The following DAPK1 variants were observed in gnomAD, a reference collection of about 807,000 sequenced individuals.
DAPK1 encodes death-associated protein kinase 1.
In DAPK1, 56 loss-of-function variants were observed where a neutral mutation model predicts 144.9. The observed-to-expected ratio is 0.39, with a 90% confidence interval of 0.31 to 0.48. DAPK1 has a LOEUF of 0.48. Ranked by LOEUF, DAPK1 falls within the 20% of genes least tolerant of loss-of-function variation. The pLI is 0.95. For missense variants in DAPK1, 1,454 were observed against 1,875.4 expected, an observed-to-expected ratio of 0.78 and a Z score of 4.15; for synonymous variants, 690 against 749.0, an observed-to-expected ratio of 0.92 and a Z score of 1.29.
Position 87,707,824 on chromosome 9 carries a change from T to C in DAPK1, c.*460T>C, listed in dbSNP as rs1416553896. Reference sequence around the variant, plus strand: ...TATACCATTTCCTCAGCTTATCTCTTTTATATTTGTAGGAGAAACTCCCAT... The same window carrying C: ...TATACCATTTCCTCAGCTTATCTCTCTTATATTTGTAGGAGAAACTCCCAT... On this transcript the variant is annotated 3_prime_UTR_variant, in exon 26 of 26. Transcript: ENST00000408954. This position sits in a 1 kb window ranked among gnomAD's most constrained non-coding sequence, Gnocchi z 4.0. 1 of 457,126 alleles carries C rather than the reference T, an allele frequency of 2.2e-6. No homozygotes were observed. The highest frequency in any genetic ancestry group is 2.0e-5 in the African/African-American group (1 of 50,228). The allele number at this position is 457,126 out of a possible 1,614,324, so 28.3% of individuals were successfully genotyped here. A position where few individuals can be genotyped will look rare whatever the true frequency, so the allele number is the denominator to read the frequency against.
At chr9:87,576,667 C>A (rs997671221) in intron 2 of DAPK1, among the ~76,000 whole-genome samples, 1 of 152,198 alleles carries the variant, frequency 6.6e-6, no homozygotes, top group East Asian at 1.9e-4. Flanking sequence ...AAGTGATTCT[C>A]CTGCCTCAGC....
At chr9:87,644,352 A>G (rs945053836) in intron 11 of DAPK1, among the ~76,000 whole-genome samples, 73 of 152,064 alleles carry the variant, frequency 4.8e-4, no homozygotes, top group African/African-American at 1.6e-3. Context: ...GACTCCAGAC[A>G]AGGCAGCCAC....
intron 2 of DAPK1, among the ~76,000 whole-genome samples, chr9:87,560,565 C>A (rs1481636786): frequency 6.6e-6 from 1 of 151,972 alleles, no homozygotes; most frequent in Non-Finnish European, 1.5e-5. Context: ...AGATACCTCA[C>A]ATGAGTAGAA....
chr9:87,589,102 T>C (rs547240399), intron 2 of DAPK1, among the ~76,000 whole-genome samples: 1 of 142,580 alleles, frequency 7.0e-6, no homozygotes, highest in Admixed American at 7.1e-5. Flanking sequence ...AGAGACAGGG[T>C]TTCTCCATGT....
At chr9:87,674,231 G>T (rs1050888518) in intron 19 of DAPK1, among the ~76,000 whole-genome samples, 1 of 152,080 alleles carries the variant, frequency 6.6e-6, no homozygotes, top group Admixed American at 6.5e-5. Context: ...GGGTGCGGTG[G>T]CTCACGCCTG....
At position 87,502,778 on chromosome 9, in the gene DAPK1, A is replaced by G. The variant is rs115531720; in HGVS notation, c.62+3639A>G. ...CCCAGTGACATGTTTATCCTGTTTC[A>G]TGTTTATTAGTCTTGTATTACTCTT... On this transcript the variant is annotated intron_variant, in intron 2 of 25. Transcript: ENST00000408954. Among the ~76,000 whole-genome samples, 470 of 152,084 alleles carry G rather than the reference A, an allele frequency of 3.1e-3. 2 individuals are homozygous for G. The highest frequency in any genetic ancestry group is 0.011 in the African/African-American group (459 of 41,468).
Position 87,589,696 on chromosome 9 carries a change from A to G in DAPK1, c.63-15258A>G, listed in dbSNP as rs2118875596. 2.6e-5 allele frequency among the ~76,000 whole-genome samples: 4 copies of G among 152,286 alleles called. 1 individual carries two copies. In the South Asian group the frequency reaches 8.3e-4, roughly 32 times the overall value. ...TATTCAGCCTCTTGGGAGAATTTAG[A>G]TTCCAAGTTCTGTCAGTGAGTATAT... is the stretch of plus-strand genomic sequence containing the variant. On this transcript the variant is annotated intron_variant, in intron 2 of 25. Coordinates refer to ENST00000408954, the MANE Select transcript of DAPK1 (RefSeq NM_004938.4).
intron 19 of DAPK1, among the ~76,000 whole-genome samples, chr9:87,669,764 A>AGG (rs5899010): frequency 5.7e-4 from 86 of 151,190 alleles, no homozygotes; most frequent in South Asian, 1.9e-3. Context: ...TGCCAGGGGC[A>AGG]GGGGGGGGCC....
intron 3 of DAPK1, among the ~76,000 whole-genome samples, chr9:87,629,542 T>C (rs1829596515): frequency 6.6e-6 from 1 of 152,296 alleles, no homozygotes; most frequent in South Asian, 2.1e-4. Flanking sequence ...TTTGAATATG[T>C]TTTTAAAAAT....
At chr9:87,663,270 G>A (rs1281997996) in intron 18 of DAPK1, among the ~76,000 whole-genome samples, 2 of 152,096 alleles carry the variant, frequency 1.3e-5, no homozygotes, top group Non-Finnish European at 2.9e-5. Flanking sequence ...ATAAAAGAAA[G>A]CATAGATAGA....
intron 2 of DAPK1, among the ~76,000 whole-genome samples, chr9:87,557,129 C>G (rs942291041): frequency 2.0e-5 from 3 of 152,216 alleles, no homozygotes; most frequent in Middle Eastern, 3.2e-3. Context: ...CCTCAACATC[C>G]TCGAAGCTCA....
At position 87,571,476 on chromosome 9, in the gene DAPK1, A is replaced by AACAC. The variant is rs56299528; in HGVS notation, c.63-33463_63-33460dup. ...ACACACACACACACACACACACACC[A>AACAC]ACACACACACACACACACCCCAACA... On this transcript the variant is annotated intron_variant, in intron 2 of 25. Transcript: ENST00000408954. Among the ~76,000 whole-genome samples the AACAC allele has an allele frequency of 1.7e-3, 84 of 48,556 alleles. 11 individuals are homozygous for AACAC. The highest frequency in any genetic ancestry group is 2.9e-3 in the South Asian group (3 of 1,018). The allele number at this position is 48,556 out of a possible 152,430, so 31.9% of individuals were successfully genotyped here.
At chr9:87,642,897 A>G (rs1476180059) in intron 10 of DAPK1, among the ~76,000 whole-genome samples, 1 of 152,170 alleles carries the variant, frequency 6.6e-6, no homozygotes, top group East Asian at 1.9e-4. Flanking sequence ...TCTATAGACT[A>G]AGAGGTCCCC....
chr9:87,624,711 G>A (rs1587782164), intron 3 of DAPK1, among the ~76,000 whole-genome samples: 1 of 152,364 alleles, frequency 6.6e-6, no homozygotes, highest in South Asian at 2.1e-4. Context: ...CTGACCTCGA[G>A]TCAGCTTTCT....
intron 2 of DAPK1, among the ~76,000 whole-genome samples, chr9:87,576,667 C>G (rs997671221): frequency 5.9e-5 from 9 of 152,198 alleles, no homozygotes; most frequent in African/African-American, 1.9e-4. Context: ...AAGTGATTCT[C>G]CTGCCTCAGC....
intron 19 of DAPK1, among the ~76,000 whole-genome samples, chr9:87,675,895 A>ACACACACACACACACACACACACC (rs1179826339): frequency 8.3e-5 from 11 of 132,804 alleles, no homozygotes; most frequent in African/African-American, 3.2e-4. Flanking sequence ...ACACACACAC[A>ACACACACACACACACACACACACC]CCCTTATGAC....
chr9:87,560,506 C>T (rs1297072692), intron 2 of DAPK1, among the ~76,000 whole-genome samples: 1 of 152,060 alleles, frequency 6.6e-6, no homozygotes, highest in Non-Finnish European at 1.5e-5. Context: ...TTCCCCTACC[C>T]CTTGGCAGAT....
intron 2 of DAPK1, among the ~76,000 whole-genome samples, chr9:87,508,229 C>T (rs1020125494): frequency 2.0e-5 from 3 of 151,888 alleles, no homozygotes; most frequent in Admixed American, 6.6e-5. Context: ...CCAGGCTGAT[C>T]TGGAACTCCT....
chr9:87,588,891 G>A (rs1362981423), intron 2 of DAPK1, among the ~76,000 whole-genome samples: 2 of 151,672 alleles, frequency 1.3e-5, no homozygotes, highest in Non-Finnish European at 2.9e-5. Context: ...ATCTTTTTCT[G>A]GGGGGCGGGG....
Sources: gnomAD v4.1 joint callset for allele counts (sites outside exome capture counted in the v4.1 genomes callset) on GRCh38, gnomAD v4.1.1 for gene constraint, Gnocchi (gnomAD v3.1) non-coding constraint, MANE v1.5 for transcripts, NCBI Gene and HGNC (gene_info 2026-07-23, HGNC 2026-07-21) for gene names.